The following PDE4D variants were observed in gnomAD, a reference collection of about 807,000 sequenced individuals.
PDE4D encodes 3',5'-cyclic-AMP phosphodiesterase 4D.
In PDE4D, 24 loss-of-function variants were observed where a neutral mutation model predicts 87.4. That is an observed-to-expected ratio of 0.27 (90% confidence interval 0.20 to 0.39). The LOEUF (loss-of-function observed/expected upper bound fraction) is 0.39, where lower values mean the gene tolerates loss of function less well. Ranked by LOEUF, PDE4D falls within the 10% of genes least tolerant of loss-of-function variation. PDE4D has a pLI of 1.00. For missense variants in PDE4D, 714 were observed against 1,041.0 expected (o/e 0.69, Z 4.32); for synonymous variants, 384 against 383.2 (o/e 1.00, Z -0.02).
intron 2 of PDE4D, among the ~76,000 whole-genome samples, chr5:60,058,959 T>C (rs562756926): frequency 4.6e-5 from 7 of 151,954 alleles, no homozygotes; most frequent in Admixed American, 3.9e-4. Context: ...ATGATATCCA[T>C]ACCATTCTTT....
At chr5:59,491,933 C>T (rs991377180) in intron 1 of PDE4D, among the ~76,000 whole-genome samples, 1 of 152,094 alleles carries the variant, frequency 6.6e-6, no homozygotes, top group South Asian at 2.1e-4. Flanking sequence ...AAATATGCAA[C>T]CCAGATACCC....
chr5:59,592,823 T>G (rs760759385), intron 1 of PDE4D, among the ~76,000 whole-genome samples: 3 of 152,100 alleles, frequency 2.0e-5, no homozygotes, highest in African/African-American at 4.8e-5. Context: ...TATACCATCT[T>G]GGAGTCCTAA....
intron 1 of PDE4D, among the ~76,000 whole-genome samples, chr5:60,311,712 G>A (rs1208193268): frequency 6.6e-6 from 1 of 152,158 alleles, no homozygotes; most frequent in African/African-American, 2.4e-5. Context: ...CTCCACACAT[G>A]TCAATGTTAA....
chr5:59,687,243 C>A (rs1036457642), intron 1 of PDE4D, among the ~76,000 whole-genome samples: 1 of 152,046 alleles, frequency 6.6e-6, no homozygotes, highest in Non-Finnish European at 1.5e-5. Flanking sequence ...CAAAGATACT[C>A]CTCGAGAAGA....
At chr5:59,187,406 A>C (rs955529005) in intron 3 of PDE4D, among the ~76,000 whole-genome samples, 7 of 152,170 alleles carry the variant, frequency 4.6e-5, no homozygotes, top group African/African-American at 1.4e-4. Context: ...ATAAAAATCA[A>C]AATTATTATT....
intron 3 of PDE4D, among the ~76,000 whole-genome samples, chr5:59,931,509 A>G (rs1755915411): frequency 6.6e-6 from 1 of 152,088 alleles, no homozygotes; most frequent in Non-Finnish European, 1.5e-5. Context: ...AAGTTGGCAC[A>G]AGGTTTCACA....
intron 5 of PDE4D, among the ~76,000 whole-genome samples, chr5:59,050,220 T>C (rs575845292): frequency 5.3e-5 from 8 of 152,238 alleles, no homozygotes; most frequent in African/African-American, 1.4e-4. Context: ...TGAGCCGAGA[T>C]TGTGCCACTG....
chr5:60,432,598 C>A (rs1178003949), intron 1 of PDE4D, among the ~76,000 whole-genome samples: 6 of 151,968 alleles, frequency 3.9e-5, no homozygotes, highest in African/African-American at 1.5e-4. Flanking sequence ...CATATGCAAC[C>A]CAAAAAGAGC....
At chr5:59,147,087 A>G (rs751121242) in intron 5 of PDE4D, among the ~76,000 whole-genome samples, 1 of 152,156 alleles carries the variant, frequency 6.6e-6, no homozygotes, top group Non-Finnish European at 1.5e-5. Context: ...ATGCCTGATG[A>G]TCTGAGGTGG....
chr5:59,808,354 A>G (rs1404934985), intron 1 of PDE4D, among the ~76,000 whole-genome samples: 1 of 152,132 alleles, frequency 6.6e-6, no homozygotes, highest in Non-Finnish European at 1.5e-5. Context: ...TTTTGACCCA[A>G]TATCTATTTT....
chr5:59,420,659 T>A (rs991058191), intron 1 of PDE4D, among the ~76,000 whole-genome samples: 5 of 149,322 alleles, frequency 3.3e-5, no homozygotes, highest in African/African-American at 1.2e-4. Flanking sequence ...GTGTTACTCT[T>A]GATGTCATAG....
At chr5:59,222,412 T>C (rs1199723838) in intron 1 of PDE4D, among the ~76,000 whole-genome samples, 1 of 152,206 alleles carries the variant, frequency 6.6e-6, no homozygotes, top group Non-Finnish European at 1.5e-5. Flanking sequence ...TTTCCTCATC[T>C]ATCCTAGCCA....
chr5:59,999,319 G>A (rs1387590256), intron 2 of PDE4D, among the ~76,000 whole-genome samples: 1 of 152,080 alleles, frequency 6.6e-6, no homozygotes, highest in African/African-American at 2.4e-5. Flanking sequence ...CTGATTCAGA[G>A]CACTAATGGA....
At chr5:60,336,941 A>T (rs1185056171) in intron 1 of PDE4D, among the ~76,000 whole-genome samples, 2 of 152,184 alleles carry the variant, frequency 1.3e-5, no homozygotes, top group Admixed American at 1.3e-4. Context: ...ATTCCTAGAC[A>T]AAAATCCACT....
chr5:60,122,735 C>G (rs1044505526), intron 2 of PDE4D, among the ~76,000 whole-genome samples: 2 of 152,230 alleles, frequency 1.3e-5, no homozygotes, highest in Non-Finnish European at 2.9e-5. Context: ...GAAGGCTTAA[C>G]ATTCGGCCTC....
chr5:59,995,232 C>T (rs939982032), intron 2 of PDE4D, among the ~76,000 whole-genome samples: 5 of 152,110 alleles, frequency 3.3e-5, no homozygotes, highest in Non-Finnish European at 5.9e-5. Flanking sequence ...AGTCTCATTG[C>T]TGGCTCCTCA....
At chr5:59,308,014 T>C (rs1581877639) in intron 1 of PDE4D, among the ~76,000 whole-genome samples, 1 of 152,120 alleles carries the variant, frequency 6.6e-6, no homozygotes, top group Admixed American at 6.6e-5. Context: ...ATATACACCA[T>C]GGAAAGCTAT....
intron 2 of PDE4D, among the ~76,000 whole-genome samples, chr5:60,165,001 A>G (rs1413185895): frequency 1.3e-5 from 2 of 152,064 alleles, no homozygotes; most frequent in African/African-American, 4.8e-5. Flanking sequence ...TATTCCTCCT[A>G]TCTAAAATTT....
At chr5:60,293,030 C>CAG (rs34355861) in intron 1 of PDE4D, among the ~76,000 whole-genome samples, 24,097 of 149,866 alleles carry the variant, frequency 0.16, 2,166 homozygotes, top group South Asian at 0.3. Flanking sequence ...TTTTTTGAGA[C>CAG]AGTTTCACTC....
Sources: gnomAD v4.1 joint callset for allele counts (sites outside exome capture counted in the v4.1 genomes callset) on GRCh38, gnomAD v4.1.1 for gene constraint, MANE v1.5 for transcripts, NCBI Gene and HGNC (gene_info 2026-07-23, HGNC 2026-07-21) for gene names.